Variants in SRFBP1 observed in about 807,000 individuals in gnomAD.
The protein encoded by SRFBP1 is serum response factor-binding protein 1.
In SRFBP1, 47 loss-of-function variants were observed where a neutral mutation model predicts 45.5. The ratio of observed to expected loss-of-function variants is 1.03; its 90% CI spans 0.82 to 1.32. The LOEUF (loss-of-function observed/expected upper bound fraction) is 1.32. Among genes scored for constraint, SRFBP1 ranks in the 40% most tolerant of loss-of-function variants. The pLI is 0.00. For synonymous variants in SRFBP1, 203 were observed against 166.3 expected, an observed-to-expected ratio of 1.22 and a Z score of -1.70; for missense variants, 621 against 484.6, an observed-to-expected ratio of 1.28 and a Z score of -2.64.
At position 122,015,294 on chromosome 5, in the gene SRFBP1, A is replaced by G. The variant is rs1056749170; in HGVS notation, c.271-3966A>G. Among the ~76,000 whole-genome samples, 31 of 152,170 alleles carry G rather than the reference A, an allele frequency of 2.0e-4. 1 individual carries two copies. The highest frequency in any genetic ancestry group is 7.2e-4 in the African/African-American group (30 of 41,436). On this transcript the variant is annotated intron_variant, in intron 4 of 7. Coordinates refer to ENST00000339397, the MANE Select transcript of SRFBP1 (RefSeq NM_152546.3). ...GACAGAATCTCAAATTGTGTTACCA[A>G]TCTGGAAGCACACTTACTGCTATAA...
In SRFBP1 at chr5:122,043,459, G is replaced by T. The variant is rs115605974; in HGVS notation, n.311+21052G>T. On this transcript the variant is annotated intron_variant and non_coding_transcript_variant, in intron 2 of 2. Coordinates refer to the SRFBP1 transcript ENST00000504881. ...TCAAACTCCTCACCTCAAGTGATCC[G>T]CCCACTTCAGCATCCCAAAGTGCTA... Among the ~76,000 whole-genome samples, 633 of 152,138 alleles carry T rather than the reference G, an allele frequency of 4.2e-3. 6 individuals carry two copies. Among genetic ancestry groups the T allele is most frequent in the African/African-American group, 0.013 (557 of 41,512 alleles).
intron 2 of SRFBP1, among the ~76,000 whole-genome samples, chr5:122,053,007 C>T (rs1443315572): frequency 6.6e-6 from 1 of 151,906 alleles, no homozygotes; most frequent in East Asian, 1.9e-4. Flanking sequence ...AGCTCCTGGG[C>T]CTTGGAGGAG....
chr5:122,077,769 C>A, downstream of SRFBP1: 1 of 1,550,322 alleles, frequency 6.5e-7, no homozygotes, highest in Non-Finnish European at 8.7e-7. The surrounding 1 kb of genome is among the most constrained non-coding windows in gnomAD (Gnocchi z 4.9). Context: ...ACGGCGGCGC[C>A]CGGGTCCCGG....
intron 2 of SRFBP1, among the ~76,000 whole-genome samples, chr5:122,062,374 T>C (rs1251786841): frequency 1.3e-5 from 2 of 151,976 alleles, no homozygotes; most frequent in African/African-American, 4.8e-5. Context: ...CTAATATCTG[T>C]GGTAAGGAGT....
At position 122,075,268 on chromosome 5, in the gene SRFBP1, A is replaced by G. The variant is rs567069135; in HGVS notation, n.312-47A>G. On this transcript the variant is annotated intron_variant and non_coding_transcript_variant, in intron 2 of 2. Coordinates refer to the SRFBP1 transcript ENST00000504881. ...TAGTAGATGGGTTATGTGAAATTACATAGAGAAAAATTCTAAATATAAGTA... is the reference window on the plus strand; with the variant it reads ...TAGTAGATGGGTTATGTGAAATTACGTAGAGAAAAATTCTAAATATAAGTA... 89 of 765,620 alleles carry G rather than the reference A, an allele frequency of 1.2e-4. No individual in the cohort carries two copies. In the Admixed American group the frequency reaches 1.6e-3, roughly 14 times the overall value. The allele number at this position is 765,620 out of a possible 1,614,324, so 47.4% of individuals were successfully genotyped here. A position where few individuals can be genotyped will look rare whatever the true frequency, so the allele number is the denominator to read the frequency against.
chr5:122,061,696 C>T (rs931441131), intron 2 of SRFBP1, among the ~76,000 whole-genome samples: 2 of 151,948 alleles, frequency 1.3e-5, no homozygotes, highest in Non-Finnish European at 1.5e-5. Flanking sequence ...TTTTAATAAG[C>T]GGTACCTAAA....
At chr5:121,965,380 A>G (rs954445460) in intron 1 of SRFBP1, among the ~76,000 whole-genome samples, 1 of 152,196 alleles carries the variant, frequency 6.6e-6, no homozygotes, top group Non-Finnish European at 1.5e-5. Flanking sequence ...GGTGTAAGGA[A>G]GGGGTCCAGT....
At chr5:121,974,174 A>G (rs763847616) in intron 1 of SRFBP1, 22 bp from the exon 2 acceptor site, 2 of 1,572,044 alleles carry the variant, frequency 1.3e-6, no homozygotes, top group East Asian at 2.2e-5. Context: ...CTTTCTTCTA[A>G]TTATTGCTTT....
downstream of SRFBP1, among the ~76,000 whole-genome samples, chr5:122,029,663 T>G (rs2112719458): frequency 6.6e-6 from 1 of 152,318 alleles, no homozygotes; most frequent in African/African-American, 2.4e-5. Flanking sequence ...TTTGGAAACT[T>G]CAGGCAGTGA....
downstream of SRFBP1, chr5:122,077,618 T>C (rs1390594794): frequency 6.2e-7 from 1 of 1,611,798 alleles, no homozygotes; most frequent in Admixed American, 1.7e-5. This position sits in a 1 kb window ranked among gnomAD's most constrained non-coding sequence, Gnocchi z 4.9. Flanking sequence ...TTGGAACCAG[T>C]GACGGGCGGT....
chr5:122,015,990 A>G (rs998022194), intron 4 of SRFBP1, among the ~76,000 whole-genome samples: 1 of 152,186 alleles, frequency 6.6e-6, no homozygotes, highest in Non-Finnish European at 1.5e-5. Flanking sequence ...AGATTAGGTG[A>G]ACATTTATTG....
At chr5:122,015,388 C>G (rs1310029597) in intron 4 of SRFBP1, among the ~76,000 whole-genome samples, 1 of 152,152 alleles carries the variant, frequency 6.6e-6, no homozygotes, top group Non-Finnish European at 1.5e-5. Flanking sequence ...TTAAACATCA[C>G]GGGCCTACTA....
rs148963852 is a variant in SRFBP1, at chr5:121,999,402, A to G, written c.270+4732A>G. 3.7e-3 allele frequency among the ~76,000 whole-genome samples: 568 copies of G among 152,250 alleles called. 5 individuals are homozygous for G. The highest frequency in any genetic ancestry group is 0.012 in the African/African-American group (515 of 41,554). On this transcript the variant is annotated intron_variant, in intron 4 of 7. Transcript: ENST00000339397. ...AGTCCAGAGTATAGCATATCTTGGT[A>G]AATATTTCATGTGCACTTGAAGACA...
At chr5:121,977,492 A>G (rs2112821565) in intron 3 of SRFBP1, among the ~76,000 whole-genome samples, 1 of 152,244 alleles carries the variant, frequency 6.6e-6, no homozygotes, top group Admixed American at 6.5e-5. Flanking sequence ...TGTCTTTTCT[A>G]AACAAAGCAA....
chr5:121,993,389 AT>A (rs1225229266), intron 3 of SRFBP1, among the ~76,000 whole-genome samples: 1 of 152,168 alleles, frequency 6.6e-6, no homozygotes, highest in African/African-American at 2.4e-5. Flanking sequence ...TCTTGTTTAA[AT>A]TGTCCTATGA....
chr5:122,036,978 T>A (rs1753703362), intron 2 of SRFBP1, among the ~76,000 whole-genome samples: 1 of 151,316 alleles, frequency 6.6e-6, no homozygotes, highest in African/African-American at 2.4e-5. Context: ...CACTGCAACC[T>A]CTGCCTCCCT....
At chr5:122,071,229 T>C (rs1056906351) in intron 2 of SRFBP1, among the ~76,000 whole-genome samples, 1 of 151,234 alleles carries the variant, frequency 6.6e-6, no homozygotes, top group South Asian at 2.1e-4. Context: ...GTATAAAAAT[T>C]CAATTTTCAC....
intron 2 of SRFBP1, among the ~76,000 whole-genome samples, chr5:122,072,960 G>A (rs1245212417): frequency 1.3e-5 from 2 of 152,198 alleles, no homozygotes; most frequent in African/African-American, 4.8e-5. Context: ...CATGAATAAT[G>A]TGTGGGTAAG....
chr5:121,964,112 T>C (rs934673527), intron 1 of SRFBP1, among the ~76,000 whole-genome samples: 2 of 152,184 alleles, frequency 1.3e-5, no homozygotes, highest in Non-Finnish European at 2.9e-5. Flanking sequence ...TCTTTTCAAT[T>C]CTTTTCCATC....
Sources: allele counts gnomAD v4.1 joint callset (sites outside exome capture counted in the v4.1 genomes callset), GRCh38; gene constraint gnomAD v4.1.1; non-coding constraint Gnocchi (gnomAD v3.1); transcripts MANE v1.5; gene names NCBI Gene and HGNC (gene_info 2026-07-23, HGNC 2026-07-21).